Variants in HK2 observed in about 807,000 individuals in gnomAD.
HK2 encodes the protein hexokinase-2.
Under a neutral mutation model 92.9 loss-of-function variants are expected in HK2, and 42 were observed. The observed-to-expected ratio is 0.45, with a 90% CI of 0.35 to 0.58. HK2 has a LOEUF of 0.58. Ranked by LOEUF, HK2 falls within the 20% of genes least tolerant of loss-of-function variation. The pLI is 0.00. For synonymous variants in HK2, 422 were observed against 468.0 expected (o/e 0.90, Z 1.27); for missense variants, 978 against 1,245.1 (o/e 0.79, Z 3.23).
At position 74,842,714 on chromosome 2, in the gene HK2, T is replaced by C. The variant is rs531346307; in HGVS notation, c.63+8071T>C. On this transcript the variant is annotated intron_variant, in intron 1 of 17. Coordinates refer to ENST00000290573, the MANE Select transcript of HK2 (RefSeq NM_000189.5). The stretch of plus-strand genomic sequence containing the variant: ...CACCGTGCTTCTAAAACCTTCTCTT[T>C]CCTGGGCGTAGGAGATCCATCCTTA... Among the ~76,000 whole-genome samples, 5 of 152,346 alleles carry C rather than the reference T, an allele frequency of 3.3e-5. No individual in the cohort carries two copies. In the East Asian group the frequency reaches 5.8e-4, roughly 18 times the overall value.
At chr2:74,871,510 G>A (rs373915109) in intron 3 of HK2, among the ~76,000 whole-genome samples, 16 of 152,244 alleles carry the variant, frequency 1.1e-4, no homozygotes, top group African/African-American at 3.6e-4. Flanking sequence ...GGGATTGTGG[G>A]CTTTGGGGCT....
Position 74,886,490 on chromosome 2 carries a change from G to C in HK2, c.2036G>C (p.Gly679Ala). ...DPHCEVGLIV[G>A]TGSNACYMEE... Reference sequence around the variant, plus strand: ...GGCCCTGGTATCCTGTGATTGGCAGGCACGGGCAGCAATGCCTGCTACATG... The same window carrying C: ...GGCCCTGGTATCCTGTGATTGGCAGCCACGGGCAGCAATGCCTGCTACATG... The change falls in exon 15 of 18, where the codon GGC becomes GCC. Residue 679 changes from glycine (G) to alanine (A), a missense_variant and splice_region_variant. Gly to Ala is a moderately conservative substitution (Grantham distance 60). Coordinates refer to ENST00000290573, the MANE Select transcript of HK2 (RefSeq NM_000189.5). 1 of 1,614,028 alleles carries C rather than the reference G, an allele frequency of 6.2e-7. No homozygotes were observed. The highest frequency in any genetic ancestry group is 1.1e-5 in the South Asian group (1 of 91,068).
intron 5 of HK2, 141 bp downstream of exon 5, chr2:74,873,512 A>G: frequency 1.6e-6 from 1 of 643,050 alleles, no homozygotes; most frequent in Non-Finnish European, 2.8e-6. Context: ...TGTACTCAAT[A>G]ATTTTGTATG....
At chr2:74,887,011 C>T (rs1689555430) in intron 15 of HK2, among the ~76,000 whole-genome samples, 1 of 152,208 alleles carries the variant, frequency 6.6e-6, no homozygotes, top group African/African-American at 2.4e-5. Context: ...AATCCTCTCC[C>T]TCCTCCATCT....
rs1250940181 is a variant in HK2 at position 74,893,184 on chromosome 2, T to G, written c.*2243T>G. 1 of 152,200 alleles carries G rather than the reference T, an allele frequency of 6.6e-6. No individual in the cohort carries two copies. The highest frequency in any genetic ancestry group is 1.5e-5 in the Non-Finnish European group (1 of 68,036). The allele number at this position is 152,200 out of a possible 1,614,324, so 9.4% of individuals were successfully genotyped here. The stretch of plus-strand genomic sequence containing the variant: ...GTCCCTTGCTGACATGGCTTTGCTT[T>G]GTGTAAATACAGTGGATCTCAATCT... On this transcript the variant is annotated 3_prime_UTR_variant, in exon 18 of 18. Coordinates refer to ENST00000290573, the MANE Select transcript of HK2 (RefSeq NM_000189.5).
chr2:74,857,586 C>T (rs1368504232), intron 2 of HK2, among the ~76,000 whole-genome samples: 2 of 152,056 alleles, frequency 1.3e-5, no homozygotes, highest in African/African-American at 4.8e-5. Context: ...ATGGAGGTTG[C>T]AGTGAGCCGA....
intron 2 of HK2, among the ~76,000 whole-genome samples, chr2:74,863,179 C>T (rs557714274): frequency 1.3e-5 from 2 of 152,186 alleles, no homozygotes; most frequent in East Asian, 3.8e-4. Context: ...TGGTGCATTC[C>T]AAGAGGTGTC....
intron 2 of HK2, among the ~76,000 whole-genome samples, chr2:74,862,781 C>A (rs1161687765): frequency 6.6e-6 from 1 of 152,198 alleles, no homozygotes; most frequent in Non-Finnish European, 1.5e-5. Flanking sequence ...CCTTACACTT[C>A]CTTGCACTGA....
chr2:74,858,151 A>T (rs1688735787), intron 2 of HK2, among the ~76,000 whole-genome samples: 1 of 152,228 alleles, frequency 6.6e-6, no homozygotes, highest in South Asian at 2.1e-4. Context: ...ATTTATATGA[A>T]AGGAAATAAA....
Position 74,877,170 on chromosome 2 carries a change from G to T in HK2, c.880G>T (p.Glu294Ter). The change falls in exon 8 of 18, where the codon GAG becomes TAG. Residue 294 changes from glutamate (E) to a stop codon, truncating the protein, a stop_gained. Coordinates refer to ENST00000290573, the MANE Select transcript of HK2 (RefSeq NM_000189.5). LOFTEE classifies it high-confidence loss of function. ...GSLNPGKQLF[E>*]KMISGMYMGE... ...TTGGTTTGTGTCTTCCGGCAGGTTT[G>T]AGAAGATGATCAGTGGGATGTACAT... 6.2e-7 allele frequency: 1 copy of T among 1,614,060 alleles called. No individual in the cohort carries two copies. The highest frequency in any genetic ancestry group is 8.5e-7 in the Non-Finnish European group (1 of 1,180,046).
At chr2:74,840,258 ATTT>A (rs372633486) in intron 1 of HK2, among the ~76,000 whole-genome samples, 2 of 132,530 alleles carry the variant, frequency 1.5e-5, no homozygotes, top group Non-Finnish European at 3.3e-5. Flanking sequence ...CGCGCCAGGC[ATTT>A]TTTTTTTTTT....
chr2:74,840,595 C>T (rs994037347), intron 1 of HK2, among the ~76,000 whole-genome samples: 4 of 149,878 alleles, frequency 2.7e-5, no homozygotes, highest in South Asian at 2.1e-4. Flanking sequence ...ATGCCGGGCG[C>T]GGTGGCTCAC....
At chr2:74,860,877 G>A (rs543303792) in intron 2 of HK2, among the ~76,000 whole-genome samples, 15 of 152,182 alleles carry the variant, frequency 9.9e-5, no homozygotes, top group Non-Finnish European at 1.5e-4. Context: ...AGCTCTGCCT[G>A]CTCCATATCC....
chr2:74,863,827 C>A (rs572828694), intron 2 of HK2, among the ~76,000 whole-genome samples: 1 of 152,256 alleles, frequency 6.6e-6, no homozygotes, highest in African/African-American at 2.4e-5. Context: ...AAGGGCAGGT[C>A]CCTTTAGGGG....
At position 74,853,502 on chromosome 2, in the gene HK2, G is replaced by A. The variant is rs28746193; in HGVS notation, c.64-791G>A. On this transcript the variant is annotated intron_variant, in intron 1 of 17. Coordinates refer to ENST00000290573, the MANE Select transcript of HK2 (RefSeq NM_000189.5). ...ACTCTACTCCAGCCTGGGTGACAGGGTGAGACTCAGCCTCAAAACAACAAC... is the reference window on the plus strand; with the variant it reads ...ACTCTACTCCAGCCTGGGTGACAGGATGAGACTCAGCCTCAAAACAACAAC... Among the ~76,000 whole-genome samples, 502 of 148,736 alleles carry A rather than the reference G, an allele frequency of 3.4e-3. 1 individual carries two copies. Among genetic ancestry groups the A allele is most frequent in the African/African-American group, 0.012 (481 of 40,534 alleles).
chr2:74,856,298 G>C (rs1688694602), intron 2 of HK2, among the ~76,000 whole-genome samples: 2 of 152,124 alleles, frequency 1.3e-5, no homozygotes, highest in African/African-American at 4.8e-5. Flanking sequence ...CCCAAAATAA[G>C]TAAGTGTTTG....
chr2:74,875,428 A>G (rs1003205528), intron 7 of HK2, among the ~76,000 whole-genome samples: 6 of 148,072 alleles, frequency 4.1e-5, no homozygotes, highest in African/African-American at 1.5e-4. Flanking sequence ...TCCCGGGTTC[A>G]AGCGATTCTC....
In HK2 at chr2:74,880,268, T is replaced by G; in HGVS notation, c.1269T>G (p.Phe423Leu). ...TACCCGCCCTGGGGAACTGCAGTTT[T>G]GCCAAGCGTCTACATAAGACCGTGC... ...DGSVYKKHPH[F>L]AKRLHKTVRR... Residue 423 changes from phenylalanine (F) to leucine (L), a missense_variant, in exon 10 of 18, where the codon TTT becomes TTG. Phe to Leu is a conservative substitution (Grantham distance 22). Coordinates refer to ENST00000290573, the MANE Select transcript of HK2 (RefSeq NM_000189.5). 6.2e-7 allele frequency: 1 copy of G among 1,614,036 alleles called. No individual in the cohort carries two copies. Among genetic ancestry groups the G allele is most frequent in the East Asian group, 2.2e-5 (1 of 44,896 alleles).
At chr2:74,856,785 G>C (rs1051317286) in intron 2 of HK2, among the ~76,000 whole-genome samples, 1 of 152,188 alleles carries the variant, frequency 6.6e-6, no homozygotes, top group Admixed American at 6.5e-5. Context: ...AATCAAGCTT[G>C]TGTAAGCCAA....
Sources: gnomAD v4.1 joint callset for allele counts (sites outside exome capture counted in the v4.1 genomes callset) on GRCh38, gnomAD v4.1.1 for gene constraint, MANE v1.5 for transcripts, NCBI Gene and HGNC (gene_info 2026-07-23, HGNC 2026-07-21) for gene names.